RPS6KA5: variants seen among roughly 807,000 people sequenced by gnomAD.
RPS6KA5 encodes the protein ribosomal protein S6 kinase alpha-5.
A neutral mutation model predicts 85.5 loss-of-function variants in RPS6KA5; 27 were observed. The observed-to-expected ratio is 0.32, with a 90% confidence interval of 0.23 to 0.44. The LOEUF is 0.44. Ranked by LOEUF, RPS6KA5 falls within the 20% of genes least tolerant of loss-of-function variation. RPS6KA5 has a pLI of 1.00. For missense variants in RPS6KA5, 811 were observed against 980.9 expected (o/e 0.83, Z 2.31); for synonymous variants, 334 against 348.2 (o/e 0.96, Z 0.46).
chr14:90,913,681 C>T (rs1024537563), intron 7 of RPS6KA5, among the ~76,000 whole-genome samples: 1 of 152,116 alleles, frequency 6.6e-6, no homozygotes, highest in African/African-American at 2.4e-5. Flanking sequence ...TTTCTGTAGC[C>T]CACACAATGC....
chr14:90,911,912 C>T (rs1462286711), intron 7 of RPS6KA5, among the ~76,000 whole-genome samples: 2 of 152,128 alleles, frequency 1.3e-5, no homozygotes, highest in Non-Finnish European at 2.9e-5. Context: ...CTTACAAGAT[C>T]ACGAACCCAA....
chr14:90,917,935 G>A (rs527448715), intron 7 of RPS6KA5, among the ~76,000 whole-genome samples: 1 of 152,166 alleles, frequency 6.6e-6, no homozygotes, highest in East Asian at 1.9e-4. Context: ...CCACTTACTT[G>A]TTGACAGATA....
chr14:90,988,656 T>C (rs1192364514), intron 2 of RPS6KA5, among the ~76,000 whole-genome samples: 6 of 151,990 alleles, frequency 3.9e-5, no homozygotes. Flanking sequence ...CTACTAAAAA[T>C]ACAAAAATTA....
intron 1 of RPS6KA5, among the ~76,000 whole-genome samples, chr14:91,026,678 T>C (rs1329360389): frequency 6.6e-6 from 1 of 152,242 alleles, no homozygotes; most frequent in Non-Finnish European, 1.5e-5. Flanking sequence ...ATGGGATTGC[T>C]AGATCAAATG....
At chr14:91,056,725 G>A (rs1005419874) in intron 1 of RPS6KA5, among the ~76,000 whole-genome samples, 2 of 151,778 alleles carry the variant, frequency 1.3e-5, no homozygotes, top group African/African-American at 4.9e-5. Flanking sequence ...AAGTGGGTAA[G>A]ATAACCCAAT....
At chr14:90,984,030 A>C (rs1430066927) in intron 2 of RPS6KA5, among the ~76,000 whole-genome samples, 1 of 152,074 alleles carries the variant, frequency 6.6e-6, no homozygotes, top group Non-Finnish European at 1.5e-5. Flanking sequence ...TTTTTAGTAG[A>C]GATGGGGGTT....
chr14:90,996,206 T>G (rs34801402), intron 2 of RPS6KA5, among the ~76,000 whole-genome samples: 4 of 147,880 alleles, frequency 2.7e-5, no homozygotes, highest in Non-Finnish European at 4.5e-5. Flanking sequence ...TTTTTTTTTG[T>G]TTTTTTTTTC....
intron 9 of RPS6KA5, among the ~76,000 whole-genome samples, chr14:90,901,289 ACTGGTCTCAAAC>A (rs2035154933): frequency 2.6e-5 from 4 of 152,166 alleles, no homozygotes; most frequent in Non-Finnish European, 5.9e-5. Context: ...CATGTCTCGA[ACTGGTCTCAAAC>A]CCCTGACCTC....
rs1663522589 is a variant in RPS6KA5, at chr14:90,871,942, C to T, written c.*132G>A. 1 of 1,207,002 alleles carries T rather than the reference C, an allele frequency of 8.3e-7. No individual in the cohort carries two copies. Among genetic ancestry groups the T allele is most frequent in the Non-Finnish European group, 1.2e-6 (1 of 861,464 alleles). The allele number at this position is 1,207,002 out of a possible 1,614,324, so 74.8% of individuals were successfully genotyped here. The stretch of plus-strand genomic sequence containing the variant: ...GAATGAGGATAACCAAACAGGTTTT[C>T]CTGAAAAAAATCATTAGGAGGCAGA... On this transcript the variant is annotated 3_prime_UTR_variant, in exon 17 of 17. Transcript: ENST00000614987.
chr14:91,044,376 G>GGAAGGAAA (rs2042755974), intron 1 of RPS6KA5, among the ~76,000 whole-genome samples: 1 of 11,426 alleles, frequency 8.8e-5, no homozygotes, highest in African/African-American at 2.6e-4. Context: ...AAAGAAAGAA[G>GGAAGGAAA]GAAAGAAAGA....
intron 3 of RPS6KA5, among the ~76,000 whole-genome samples, chr14:90,956,108 A>T (rs926901399): frequency 1.3e-5 from 2 of 152,222 alleles, no homozygotes; most frequent in Non-Finnish European, 2.9e-5. Flanking sequence ...ATACAGGGGG[A>T]TGCATATAAG....
chr14:90,952,927 G>A (rs919107978), intron 3 of RPS6KA5, among the ~76,000 whole-genome samples: 1 of 152,170 alleles, frequency 6.6e-6, no homozygotes, highest in African/African-American at 2.4e-5. Context: ...TAAACCCCAC[G>A]ACTTGGATTA....
At chr14:91,017,421 C>T (rs1027105750) in intron 1 of RPS6KA5, among the ~76,000 whole-genome samples, 1 of 152,180 alleles carries the variant, frequency 6.6e-6, no homozygotes, top group South Asian at 2.1e-4. Context: ...GATCAAGGAG[C>T]TAACTTCACA....
At chr14:91,028,287 G>T (rs957697031) in intron 1 of RPS6KA5, among the ~76,000 whole-genome samples, 4 of 151,872 alleles carry the variant, frequency 2.6e-5, no homozygotes, top group African/African-American at 7.3e-5. Context: ...GCACAATCAG[G>T]GCTCACTGCC....
At position 90,859,632 on chromosome 14, in the gene RPS6KA5, C is replaced by G. The variant is rs548834880; in HGVS notation, c.*12442G>C. The G allele has an allele frequency of 3.3e-5, 5 of 152,090 alleles. No homozygotes were observed. Among genetic ancestry groups the G allele is most frequent in the South Asian group, 4.2e-4 (2 of 4,814 alleles). 9.4% of individuals were successfully genotyped at this position (152,090 alleles called of 1,614,324 possible). A position where few individuals can be genotyped will look rare whatever the true frequency, so the allele number is the denominator to read the frequency against. On this transcript the variant is annotated 3_prime_UTR_variant, in exon 17 of 17. Transcript: ENST00000614987. ...AGTAAAAACTATACAGATTGAAGTA[C>G]AGGGAGAAATTAAGATGGCAAACAA...
At chr14:91,051,575 G>A (rs768523634) in intron 1 of RPS6KA5, among the ~76,000 whole-genome samples, 3 of 151,920 alleles carry the variant, frequency 2.0e-5, no homozygotes, top group Admixed American at 6.6e-5. Context: ...TGCAACCTCC[G>A]CCTCCCAGGT....
chr14:90,990,654 T>G (rs2040267787), intron 2 of RPS6KA5, among the ~76,000 whole-genome samples: 1 of 152,180 alleles, frequency 6.6e-6, no homozygotes, highest in Non-Finnish European at 1.5e-5. Context: ...CCATCAATGG[T>G]GGACTGGATA....
intron 3 of RPS6KA5, among the ~76,000 whole-genome samples, chr14:90,948,512 C>T (rs942202310): frequency 6.6e-6 from 1 of 152,008 alleles, no homozygotes; most frequent in South Asian, 2.1e-4. Flanking sequence ...CTGGCTAACA[C>T]GGTGAAACCC....
intron 3 of RPS6KA5, among the ~76,000 whole-genome samples, chr14:90,972,902 A>G (rs1353685286): frequency 1.3e-5 from 2 of 152,252 alleles, no homozygotes; most frequent in Non-Finnish European, 2.9e-5. Flanking sequence ...GGCAAAGGGT[A>G]CAAATAGATA....
Sources: allele counts gnomAD v4.1 joint callset (sites outside exome capture counted in the v4.1 genomes callset), GRCh38; gene constraint gnomAD v4.1.1; transcripts MANE v1.5; gene names NCBI Gene and HGNC (gene_info 2026-07-23, HGNC 2026-07-21).